The following KIRREL3 variants were observed in gnomAD, a reference collection of about 807,000 sequenced individuals.
KIRREL3 encodes the protein kin of IRRE-like protein 3.
In KIRREL3, 36 loss-of-function variants were observed where a neutral mutation model predicts 89.7. The observed-to-expected ratio is 0.40, with a 90% CI of 0.31 to 0.53. The LOEUF (loss-of-function observed/expected upper bound fraction) is 0.53, where lower values mean the gene tolerates loss of function less well. KIRREL3 is among the 20% of genes least tolerant of loss of function. The pLI is 0.49. For missense variants in KIRREL3, 864 were observed against 1,056.6 expected, an observed-to-expected ratio of 0.82 and a Z score of 2.53; for synonymous variants, 445 against 441.4, an observed-to-expected ratio of 1.01 and a Z score of -0.10.
At chr11:126,688,444 T>C (rs1946749436) in intron 1 of KIRREL3, among the ~76,000 whole-genome samples, 1 of 152,374 alleles carries the variant, frequency 6.6e-6, no homozygotes. Context: ...TATTTGAAGC[T>C]AACAATGTTT....
rs1948893938 is a variant in KIRREL3 at position 126,955,446 on chromosome 11, C to A, written c.55+45009G>T. Among the ~76,000 whole-genome samples the A allele has an allele frequency of 6.6e-6, 1 of 152,178 alleles. No homozygotes were observed. The highest frequency in any genetic ancestry group is 1.5e-5 in the Non-Finnish European group (1 of 68,034). ...AAGTGCTTTGGAAGAAATGCCCTGG[C>A]CGCCCATGGGCCGGGATCTTCCTAG... On this transcript the variant is annotated intron_variant, in intron 1 of 16. Coordinates refer to ENST00000525144, the MANE Select transcript of KIRREL3 (RefSeq NM_032531.4). This position sits in a 1 kb window ranked among gnomAD's most constrained non-coding sequence, Gnocchi z 4.6.
At position 126,686,558 on chromosome 11, in the gene KIRREL3, T is replaced by G. The variant is rs1442758363; in HGVS notation, c.56-123646A>C. On this transcript the variant is annotated intron_variant, in intron 1 of 16. Transcript: ENST00000525144. The surrounding 1 kb of genome is among the most constrained non-coding windows in gnomAD (Gnocchi z 4.7). ...CTGTGCGTTCCTGCGCATGTTACCC[T>G]ACACTGAATTTTATTTTTTTATTAT... 6.6e-6 allele frequency among the ~76,000 whole-genome samples: 1 copy of G among 152,134 alleles called. No individual in the cohort carries two copies. The highest frequency in any genetic ancestry group is 1.5e-5 in the Non-Finnish European group (1 of 68,026).
rs556956336 is a variant in KIRREL3 at position 126,563,757 on chromosome 11, A to C, written c.56-845T>G. 4.8e-4 allele frequency among the ~76,000 whole-genome samples: 73 copies of C among 152,332 alleles called. No individual in the cohort carries two copies. The highest frequency in any genetic ancestry group is 1.6e-3 in the African/African-American group (66 of 41,576). On this transcript the variant is annotated intron_variant, in intron 1 of 16. Transcript: ENST00000525144. The surrounding 1 kb of genome is among the most constrained non-coding windows in gnomAD (Gnocchi z 6.8). ...GTGTGTGAGCATTAAATTGGAGTCC[A>C]TCTGCCTCACAAGAAGGCAAGCTTT...
At chr11:126,559,562 G>GA (rs397713587) in intron 2 of KIRREL3, among the ~76,000 whole-genome samples, 1 of 151,796 alleles carries the variant, frequency 6.6e-6, no homozygotes, top group Non-Finnish European at 1.5e-5. Flanking sequence ...CAGGGAGAGG[G>GA]TGTCTGTGTA....
At chr11:126,437,032 G>A (rs1371453657) in intron 11 of KIRREL3, 23 bp from the exon 12 acceptor site, 1 of 1,496,874 alleles carries the variant, frequency 6.7e-7, no homozygotes, top group South Asian at 1.3e-5. Context: ...GCAGAATCAG[G>A]AGGAGACCCC....
intron 7 of KIRREL3, among the ~76,000 whole-genome samples, chr11:126,450,567 GTGTGCATGTGTGCATGTGCA>G (rs1472586463): frequency 9.9e-5 from 15 of 151,066 alleles, no homozygotes; most frequent in African/African-American, 3.4e-4. Context: ...GTGCATGTGC[GTGTGCATGTGTGCATGTGCA>G]TGTGTGCATG....
rs574023425 is a variant in KIRREL3 at position 126,485,111 on chromosome 11, G to T, written c.434-11645C>A. Among the ~76,000 whole-genome samples the T allele has an allele frequency of 6.6e-6, 1 of 152,068 alleles. No homozygotes were observed. Among genetic ancestry groups the T allele is most frequent in the Non-Finnish European group, 1.5e-5 (1 of 68,002 alleles). On this transcript the variant is annotated intron_variant, in intron 4 of 16. Coordinates refer to ENST00000525144, the MANE Select transcript of KIRREL3 (RefSeq NM_032531.4). This position sits in a 1 kb window ranked among gnomAD's most constrained non-coding sequence, Gnocchi z 5.8. ...TGGGATTACAGCTGTGAGCCACTGC[G>T]CCCGGCCACAAGTGGGATTGTTAAA...
rs1182698000 is a variant in KIRREL3 at position 126,923,205 on chromosome 11, T to C, written c.55+77250A>G. 7.6e-3 allele frequency among the ~76,000 whole-genome samples: 83 copies of C among 10,916 alleles called. 26 individuals carry two copies. The highest frequency in any genetic ancestry group is 0.012 in the Non-Finnish European group (76 of 6,284). 7.2% of individuals were successfully genotyped at this position (10,916 alleles called of 152,430 possible). Reference sequence around the variant, plus strand: ...TCTTCTTCTCTTCTTCTTCTTCTTCTTCTTCTTCTTCTTCTTCTTCTTCTT... The same window carrying C: ...TCTTCTTCTCTTCTTCTTCTTCTTCCTCTTCTTCTTCTTCTTCTTCTTCTT... On this transcript the variant is annotated intron_variant, in intron 1 of 16. Transcript: ENST00000525144.
intron 1 of KIRREL3, among the ~76,000 whole-genome samples, chr11:126,581,983 C>T (rs1225396864): frequency 6.6e-6 from 1 of 152,158 alleles, no homozygotes; most frequent in African/African-American, 2.4e-5. Flanking sequence ...TTCCATTCCA[C>T]AGATGGGAAA....
rs995708332 is a variant in KIRREL3, at chr11:126,431,255, G to A, written c.1696+164C>T. The stretch of plus-strand genomic sequence containing the variant: ...ACTCTGCCAGGCGCCATGTTGCCCA[G>A]GCTCACATACACCGATGCATCAGAC... On this transcript the variant is annotated intron_variant, in intron 14 of 16. Coordinates refer to ENST00000525144, the MANE Select transcript of KIRREL3 (RefSeq NM_032531.4). The surrounding 1 kb of genome is among the most constrained non-coding windows in gnomAD (Gnocchi z 7.1). 11 of 1,536,518 alleles carry A rather than the reference G, an allele frequency of 7.2e-6. No individual in the cohort carries two copies. In the Admixed American group the frequency reaches 7.9e-5, roughly 11 times the overall value.
chr11:126,840,292 A>G lies in KIRREL3; in HGVS notation c.55+160163T>C, dbSNP rs530815170. On this transcript the variant is annotated intron_variant, in intron 1 of 16. Coordinates refer to ENST00000525144, the MANE Select transcript of KIRREL3 (RefSeq NM_032531.4). ...TGATTTCTGTAGGAAGCTCATGAGC[A>G]TAAGGATTGGCTCATTGAAAATCAA... Among the ~76,000 whole-genome samples, 3 of 152,326 alleles carry G rather than the reference A, an allele frequency of 2.0e-5. No individual in the cohort carries two copies. The South Asian group carries it at 6.2e-4, about 32-fold the overall frequency.
At chr11:126,972,831 TA>T (rs1555110773) in intron 1 of KIRREL3, among the ~76,000 whole-genome samples, 1 of 152,080 alleles carries the variant, frequency 6.6e-6, no homozygotes, top group Non-Finnish European at 1.5e-5. Flanking sequence ...TGCACCTAGC[TA>T]AAAACAACTG....
chr11:126,849,708 T>C (rs1944278745), intron 1 of KIRREL3, among the ~76,000 whole-genome samples: 1 of 152,160 alleles, frequency 6.6e-6, no homozygotes, highest in African/African-American at 2.4e-5. Flanking sequence ...ATGGTCATGA[T>C]GGGGCACTAC....
rs1028226221 is a variant in KIRREL3, at chr11:126,530,853, C to T, written c.134-4166G>A. 1.1e-4 allele frequency among the ~76,000 whole-genome samples: 16 copies of T among 151,748 alleles called. No homozygotes were observed. The highest frequency in any genetic ancestry group is 1.8e-4 in the Non-Finnish European group (12 of 67,920). On this transcript the variant is annotated intron_variant, in intron 2 of 16. Transcript: ENST00000525144. The surrounding 1 kb of genome is among the most constrained non-coding windows in gnomAD (Gnocchi z 5.8). The stretch of plus-strand genomic sequence containing the variant: ...TTTTATTTTTCTTTTTTTTTTGAGA[C>T]GGAGTCTGACTTTGTTGCCCAGGCT...
In KIRREL3 at chr11:126,980,126, C is replaced by A. The variant is rs144230337; in HGVS notation, c.55+20329G>T. 1.6e-3 allele frequency among the ~76,000 whole-genome samples: 245 copies of A among 152,158 alleles called. 2 individuals carry two copies. The highest frequency in any genetic ancestry group is 5.5e-3 in the African/African-American group (229 of 41,512). ...ACTACACAGAGAGGTAACCTTTGAGCCAAGCCTTGAAATATGAAGCGTATT... is the reference window on the plus strand; with the variant it reads ...ACTACACAGAGAGGTAACCTTTGAGACAAGCCTTGAAATATGAAGCGTATT... On this transcript the variant is annotated intron_variant, in intron 1 of 16. Transcript: ENST00000525144.
At chr11:126,775,680 A>G (rs966145719) in intron 1 of KIRREL3, among the ~76,000 whole-genome samples, 36 of 152,182 alleles carry the variant, frequency 2.4e-4, no homozygotes, top group African/African-American at 7.5e-4. Flanking sequence ...AATGCCTTTG[A>G]TGTACCACAT....
chr11:126,925,969 C>T (rs2135023904), intron 1 of KIRREL3, among the ~76,000 whole-genome samples: 1 of 152,332 alleles, frequency 6.6e-6, no homozygotes, highest in South Asian at 2.1e-4. Flanking sequence ...AGAAACATAC[C>T]TCATCCTATG....
chr11:126,743,727 G>A (rs569181938), intron 1 of KIRREL3, among the ~76,000 whole-genome samples: 3 of 152,194 alleles, frequency 2.0e-5, no homozygotes, highest in Middle Eastern at 6.8e-3. Flanking sequence ...ATATGATTAC[G>A]GTGCCTACTT....
rs1374870292 is a variant in KIRREL3 at position 126,428,367 on chromosome 11, G to A, written c.1806+812C>T. On this transcript the variant is annotated intron_variant, in intron 15 of 16. Coordinates refer to ENST00000525144, the MANE Select transcript of KIRREL3 (RefSeq NM_032531.4). This position sits in a 1 kb window ranked among gnomAD's most constrained non-coding sequence, Gnocchi z 6.4. ...CTAGGTAGATGATGGCCCATAAATGGGGATTCGGAAGAGGAGGAGCAGGCT... is the reference window on the plus strand; with the variant it reads ...CTAGGTAGATGATGGCCCATAAATGAGGATTCGGAAGAGGAGGAGCAGGCT... 2.0e-5 allele frequency among the ~76,000 whole-genome samples: 3 copies of A among 152,160 alleles called. No individual in the cohort carries two copies. The highest frequency in any genetic ancestry group is 7.2e-5 in the African/African-American group (3 of 41,418).
Sources: gnomAD v4.1 joint callset for allele counts (sites outside exome capture counted in the v4.1 genomes callset) on GRCh38, gnomAD v4.1.1 for gene constraint, Gnocchi (gnomAD v3.1) non-coding constraint, MANE v1.5 for transcripts, NCBI Gene and HGNC (gene_info 2026-07-23, HGNC 2026-07-21) for gene names.